COL10A1: variants seen among roughly 807,000 people sequenced by gnomAD.
COL10A1 encodes the protein collagen type X alpha 1 chain.
In COL10A1, 10 loss-of-function variants were observed where a neutral mutation model predicts 18.2. The observed-to-expected ratio is 0.55, with a 90% CI of 0.34 to 0.93. The LOEUF is 0.93. Among genes scored for constraint, COL10A1 ranks in the 40% least tolerant of loss-of-function variants. COL10A1 has a pLI of 0.02. For synonymous variants in COL10A1, 330 were observed against 316.6 expected (o/e 1.04, Z -0.45); for missense variants, 897 against 853.5 (o/e 1.05, Z -0.64).
the COL10A1 span, among the ~76,000 whole-genome samples, chr6:116,169,198 C>A: frequency 7.2e-5 from 11 of 152,180 alleles, no homozygotes; most frequent in African/African-American, 2.2e-4. Flanking sequence ...TCAACTTGAC[C>A]TCTTAAATCT....
the COL10A1 span, among the ~76,000 whole-genome samples, chr6:116,208,062 G>C: frequency 1.3e-5 from 2 of 151,940 alleles, no homozygotes; most frequent in African/African-American, 2.4e-5. Flanking sequence ...GAGCACTTCA[G>C]TCCTCAGTGT....
intron 1 of COL10A1, among the ~76,000 whole-genome samples, chr6:116,145,719 TTG>T (rs1779882579): frequency 6.6e-6 from 1 of 152,238 alleles, no homozygotes; most frequent in Non-Finnish European, 1.5e-5. Flanking sequence ...AAAAAATAGT[TTG>T]TTTCATTTTT....
intron 1 of COL10A1, among the ~76,000 whole-genome samples, chr6:116,135,410 C>T (rs1779564848): frequency 2.0e-5 from 3 of 151,566 alleles, no homozygotes; most frequent in African/African-American, 7.3e-5. Flanking sequence ...CATCCATAAC[C>T]GCCCCCCCCA....
At chr6:116,208,539 G>C in the COL10A1 span, among the ~76,000 whole-genome samples, 1 of 152,014 alleles carries the variant, frequency 6.6e-6, no homozygotes, top group African/African-American at 2.4e-5. Flanking sequence ...GCTGTACTTA[G>C]GCAATAGTGC....
chr6:116,175,983 GATTT>G, the COL10A1 span, among the ~76,000 whole-genome samples: 69 of 152,214 alleles, frequency 4.5e-4, 1 homozygote, highest in South Asian at 0.013. Context: ...TTGTATATGA[GATTT>G]ATAATTTTTG....
chr6:116,156,104 G>A (rs1780186179), intron 1 of COL10A1, among the ~76,000 whole-genome samples: 1 of 152,048 alleles, frequency 6.6e-6, no homozygotes, highest in Non-Finnish European at 1.5e-5. Flanking sequence ...GTTATGTAAA[G>A]GTCAATAATA....
In COL10A1 at chr6:116,121,313, G is replaced by A. The variant is rs149245177; in HGVS notation, c.803C>T (p.Ala268Val). ...CCCTGGCTGGCCTGGGGCTCCAGCAGCTCCTGGCTTTCCAATGCCTTCTGG... is the reference window on the plus strand; with the variant it reads ...CCCTGGCTGGCCTGGGGCTCCAGCAACTCCTGGCTTTCCAATGCCTTCTGG... ...RGPEGIGKPG[A>V]AGAPGQPGIP... Residue 268 changes from alanine to valine, a missense_variant, in exon 3 of 3, where the codon GCT (alanine) becomes GTT (valine). Physicochemically the swap from Ala to Val is moderately conservative, Grantham distance 64. Coordinates refer to ENST00000651968, the MANE Select transcript of COL10A1 (RefSeq NM_000493.4). 7 of 1,614,046 alleles carry A rather than the reference G, an allele frequency of 4.3e-6. No individual in the cohort carries two copies. Among genetic ancestry groups the A allele is most frequent in the Non-Finnish European group, 5.9e-6 (7 of 1,179,964 alleles).
intron 1 of COL10A1, among the ~76,000 whole-genome samples, chr6:116,136,359 C>G (rs971791432): frequency 6.6e-6 from 1 of 151,958 alleles, no homozygotes. Flanking sequence ...GGGGCTGACA[C>G]CTGTCATTTC....
chr6:116,142,026 T>G (rs1779779695), intron 1 of COL10A1, among the ~76,000 whole-genome samples: 1 of 151,956 alleles, frequency 6.6e-6, no homozygotes, highest in African/African-American at 2.4e-5. Flanking sequence ...AAAAAAAGAT[T>G]TGTTACTTCT....
At position 116,120,712 on chromosome 6, in the gene COL10A1, A is replaced by G. The variant is rs756012013; in HGVS notation, c.1404T>C (p.Asp468=). ...GGCCAGGAGGACCGGGACTTCCTGGATCCCCTTTAGACCCAGGGAATCCTG... is the reference window on the plus strand; with the variant it reads ...GGCCAGGAGGACCGGGACTTCCTGGGTCCCCTTTAGACCCAGGGAATCCTG... The part of the protein sequence containing the change: ...GIPGFPGSKG[D]PGSPGPPGPA... The change falls in exon 3 of 3, where the codon GAT becomes GAC. Residue 468 remains aspartate, a synonymous_variant. Transcript: ENST00000651968. 12 of 1,562,624 alleles carry G rather than the reference A, an allele frequency of 7.7e-6. No homozygotes were observed. In the East Asian group the frequency reaches 2.7e-4, roughly 35 times the overall value.
intron 2 of COL10A1, among the ~76,000 whole-genome samples, chr6:116,123,907 T>C (rs959127420): frequency 6.6e-6 from 1 of 152,252 alleles, no homozygotes; most frequent in Non-Finnish European, 1.5e-5. Flanking sequence ...GACTTTGTTA[T>C]GCTCTTATTA....
rs181562533 is a variant in COL10A1, at chr6:116,131,355, T to G, written c.-15-5848A>C. On this transcript the variant is annotated intron_variant, in intron 1 of 1. Transcript: ENST00000418500. ...TCACCTTCCTTCTGTATGTAACTATTTTTAAAACATTGTTTTGATTTATCC... is the reference window on the plus strand; with the variant it reads ...TCACCTTCCTTCTGTATGTAACTATGTTTAAAACATTGTTTTGATTTATCC... Among the ~76,000 whole-genome samples, 269 of 152,344 alleles carry G rather than the reference T, an allele frequency of 1.8e-3. 1 individual carries two copies. The highest frequency in any genetic ancestry group is 5.6e-3 in the African/African-American group (232 of 41,584).
At chr6:116,134,742 G>A (rs779000377) in intron 1 of COL10A1, among the ~76,000 whole-genome samples, 2 of 152,254 alleles carry the variant, frequency 1.3e-5, no homozygotes, top group South Asian at 2.1e-4. Context: ...GAAAATAACC[G>A]TGGTTGCTGT....
chr6:116,140,876 A>G (rs561812962), intron 1 of COL10A1, among the ~76,000 whole-genome samples: 11 of 152,114 alleles, frequency 7.2e-5, no homozygotes, highest in African/African-American at 2.4e-4. Flanking sequence ...GAATTTTTTT[A>G]TCTGTGATGG....
the COL10A1 span, among the ~76,000 whole-genome samples, chr6:116,166,370 G>A: frequency 1.3e-5 from 2 of 152,134 alleles, no homozygotes; most frequent in Admixed American, 1.3e-4. Context: ...TTGATACATG[G>A]TGGTTGGATA....
In COL10A1 at chr6:116,121,250, A is replaced by G. The variant is rs775432130; in HGVS notation, c.866T>C (p.Ile289Thr). The change falls in exon 3 of 3, where the codon ATA (isoleucine) becomes ACA (threonine). Residue 289 changes from isoleucine to threonine, a missense_variant. Transcript: ENST00000651968. ...GTKGLPGAPG[I>T]AGPPGPPGFG... is the part of the protein sequence containing the mutation. The stretch of plus-strand genomic sequence containing the variant: ...GCCAGGAGGCCCTGGGGGCCCAGCT[A>G]TTCCTGGAGCCCCAGGGAGACCTTT... The G allele has an allele frequency of 6.2e-6, 10 of 1,613,738 alleles. No individual in the cohort carries two copies. The highest frequency in any genetic ancestry group is 8.5e-6 in the Non-Finnish European group (10 of 1,179,892).
chr6:116,135,834 G>C (rs1286538369), intron 1 of COL10A1, among the ~76,000 whole-genome samples: 1 of 102,352 alleles, frequency 9.8e-6, no homozygotes. Flanking sequence ...TATATTTTCA[G>C]ATATATATAT....
chr6:116,153,616 C>T (rs991222808), intron 1 of COL10A1, among the ~76,000 whole-genome samples: 2 of 151,992 alleles, frequency 1.3e-5, no homozygotes, highest in African/African-American at 4.8e-5. Context: ...TATTAGGTAC[C>T]TAGTTAGGCT....
chr6:116,148,392 T>C (rs1218305393), intron 1 of COL10A1, among the ~76,000 whole-genome samples: 1 of 152,216 alleles, frequency 6.6e-6, no homozygotes, highest in East Asian at 1.9e-4. Context: ...TTACCATACA[T>C]GCCATCCAAA....
Sources: gnomAD v4.1 joint callset for allele counts (sites outside exome capture counted in the v4.1 genomes callset) on GRCh38, gnomAD v4.1.1 for gene constraint, MANE v1.5 for transcripts, NCBI Gene and HGNC (gene_info 2026-07-23, HGNC 2026-07-21) for gene names.